Variants in LHPP observed in about 807,000 individuals in gnomAD.
LHPP encodes phospholysine phosphohistidine inorganic pyrophosphate phosphatase.
In LHPP, 24 loss-of-function variants were observed where a neutral mutation model predicts 30.3. The observed-to-expected ratio is 0.79, with a 90% CI of 0.57 to 1.11. LHPP has a LOEUF of 1.11. Ranked by LOEUF, LHPP falls within the 50% of genes most tolerant of loss-of-function variation. The probability of loss-of-function intolerance (pLI) is 0.00; values close to 1 mark genes in which losing one functional copy is unlikely to be tolerated. For missense variants in LHPP, 356 were observed against 367.2 expected (o/e 0.97, Z 0.25); for synonymous variants, 150 against 157.1 (o/e 0.95, Z 0.34).
chr10:124,546,463 C>T (rs545186408), intron 6 of LHPP, among the ~76,000 whole-genome samples: 11 of 152,296 alleles, frequency 7.2e-5, no homozygotes, highest in South Asian at 2.1e-4. Flanking sequence ...AGTGCAGTGG[C>T]GCGATCTCGG....
chr10:124,492,476 G>A (rs563239665), intron 3 of LHPP, among the ~76,000 whole-genome samples: 1 of 152,338 alleles, frequency 6.6e-6, no homozygotes, highest in South Asian at 2.1e-4. Flanking sequence ...GTAAGGCTGT[G>A]TGCTGGTGGG....
chr10:124,607,933 C>T (rs1171493097), intron 6 of LHPP, among the ~76,000 whole-genome samples: 3 of 152,206 alleles, frequency 2.0e-5, no homozygotes, highest in African/African-American at 7.2e-5. Context: ...CTCATCTCCC[C>T]AGACCCTAGT....
At chr10:124,487,270 G>A (rs1953359699) in intron 2 of LHPP, among the ~76,000 whole-genome samples, 1 of 152,058 alleles carries the variant, frequency 6.6e-6, no homozygotes, top group African/African-American at 2.4e-5. Flanking sequence ...GTTCACCTTT[G>A]TAAAATTCTG....
intron 6 of LHPP, among the ~76,000 whole-genome samples, chr10:124,595,891 G>A (rs1948935994): frequency 2.0e-5 from 3 of 152,178 alleles, no homozygotes; most frequent in Non-Finnish European, 1.5e-5. Context: ...CGCTCTCCCT[G>A]CACAGCCACC....
intron 1 of LHPP, among the ~76,000 whole-genome samples, chr10:124,482,145 T>C (rs545071292): frequency 6.6e-4 from 100 of 152,348 alleles, no homozygotes; most frequent in African/African-American, 2.3e-3. Context: ...CTTGCTCAGA[T>C]GGAAGTTGAT....
At chr10:124,526,067 A>G in intron 6 of LHPP, 7 of 526,902 alleles carry the variant, frequency 1.3e-5, no homozygotes, top group Non-Finnish European at 1.7e-5. Flanking sequence ...GGGAACGTGC[A>G]GGTCCCTCGA....
chr10:124,547,789 C>A (rs1589853249), intron 6 of LHPP, among the ~76,000 whole-genome samples: 2 of 152,262 alleles, frequency 1.3e-5, no homozygotes, highest in South Asian at 4.1e-4. Context: ...TCCAGTGATA[C>A]AGCACTTCCT....
intron 4 of LHPP, among the ~76,000 whole-genome samples, chr10:124,497,713 C>T (rs1953767793): frequency 1.3e-5 from 2 of 152,182 alleles, no homozygotes; most frequent in Non-Finnish European, 2.9e-5. Context: ...GATGAGAGGA[C>T]GGAATTGCAG....
intron 6 of LHPP, among the ~76,000 whole-genome samples, chr10:124,536,845 G>T (rs1003219967): frequency 2.6e-5 from 4 of 152,130 alleles, no homozygotes; most frequent in Non-Finnish European, 5.9e-5. Context: ...AGTGCATCCT[G>T]GTGGGTCGTG....
In LHPP at chr10:124,546,753, C is replaced by T. The variant is rs185967119; in HGVS notation, c.716+29482C>T. On this transcript the variant is annotated intron_variant, in intron 6 of 6. Coordinates refer to ENST00000368842, the MANE Select transcript of LHPP (RefSeq NM_022126.4). ...TGGGTAAGGCAGGTCTTTCTATGAC[C>T]CACCTGCCAGCCTCATCATCCGTGC... 3.0e-3 allele frequency among the ~76,000 whole-genome samples: 451 copies of T among 152,248 alleles called. 4 individuals are homozygous for T. The highest frequency in any genetic ancestry group is 0.01 in the Middle Eastern group (3 of 294).
chr10:124,519,911 C>G (rs1485503407), intron 6 of LHPP, among the ~76,000 whole-genome samples: 1 of 152,044 alleles, frequency 6.6e-6, no homozygotes, highest in Non-Finnish European at 1.5e-5. Flanking sequence ...CGGCTCACTG[C>G]AAGCTCCGCC....
chr10:124,477,581 C>T (rs549030775), intron 1 of LHPP, among the ~76,000 whole-genome samples: 2 of 152,262 alleles, frequency 1.3e-5, no homozygotes, highest in East Asian at 1.9e-4. Context: ...CAAGTGGGCC[C>T]GTCAGATCTG....
At chr10:124,521,868 TACAC>T (rs372620418) in intron 6 of LHPP, among the ~76,000 whole-genome samples, 12 of 149,858 alleles carry the variant, frequency 8.0e-5, no homozygotes, top group Non-Finnish European at 1.0e-4. Flanking sequence ...CACTTACACG[TACAC>T]ACACACACAC....
rs949924633 is a variant in LHPP, at chr10:124,511,046, T to G, written c.625-6134T>G. Among the ~76,000 whole-genome samples the G allele has an allele frequency of 2.0e-5, 3 of 152,348 alleles. No individual in the cohort carries two copies. The East Asian group carries it at 5.8e-4, about 29-fold the overall frequency. Reference sequence around the variant, plus strand: ...CTTGCCTGGCCAGGTGTTGGTTTGATAGACTCGAAAACCTCATTTGGATTT... The same window carrying G: ...CTTGCCTGGCCAGGTGTTGGTTTGAGAGACTCGAAAACCTCATTTGGATTT... On this transcript the variant is annotated intron_variant, in intron 5 of 6. Transcript: ENST00000368842.
intron 6 of LHPP, among the ~76,000 whole-genome samples, chr10:124,557,949 C>T (rs886143248): frequency 1.3e-5 from 2 of 152,124 alleles, no homozygotes; most frequent in East Asian, 1.9e-4. Context: ...GGGGCGGCCT[C>T]GGCTCCTTCA....
At chr10:124,472,303 ACT>A (rs989523599) in intron 1 of LHPP, among the ~76,000 whole-genome samples, 4 of 152,074 alleles carry the variant, frequency 2.6e-5, no homozygotes, top group African/African-American at 7.2e-5. Context: ...ACACAGCAAG[ACT>A]CTGTCTCAAA....
rs1442733760 is a variant in LHPP, at chr10:124,509,815, G to C, written c.625-7365G>C. Among the ~76,000 whole-genome samples the C allele has an allele frequency of 5.3e-5, 8 of 152,180 alleles. No homozygotes were observed. The East Asian group carries it at 1.5e-3, about 29-fold the overall frequency. ...CACTCCACCTTCACCACCCAGCCCT[G>C]CTGCTTCCCGCCCTAATCCTCCTGG... On this transcript the variant is annotated intron_variant, in intron 5 of 6. Coordinates refer to ENST00000368842, the MANE Select transcript of LHPP (RefSeq NM_022126.4).
chr10:124,563,335 A>C (rs1948433666), intron 6 of LHPP, among the ~76,000 whole-genome samples: 2 of 125,400 alleles, frequency 1.6e-5, no homozygotes, highest in Admixed American at 8.5e-5. Flanking sequence ...TTTTGCATAA[A>C]ATCCAGATCC....
chr10:124,567,241 C>T (rs1948506735), intron 6 of LHPP, among the ~76,000 whole-genome samples: 1 of 152,246 alleles, frequency 6.6e-6, no homozygotes, highest in Non-Finnish European at 1.5e-5. Flanking sequence ...GTGGGCAGGC[C>T]TTGCCGTGGT....
Sources: gnomAD v4.1 joint callset for allele counts (sites outside exome capture counted in the v4.1 genomes callset) on GRCh38, gnomAD v4.1.1 for gene constraint, MANE v1.5 for transcripts, NCBI Gene and HGNC (gene_info 2026-07-23, HGNC 2026-07-21) for gene names.